Variants in CAMKK2 observed in about 807,000 individuals in gnomAD.
CAMKK2 encodes the protein calcium/calmodulin-dependent protein kinase kinase 2.
Under a neutral mutation model 67.2 loss-of-function variants are expected in CAMKK2, and 30 were observed. That is an observed-to-expected ratio of 0.45 (90% CI 0.33 to 0.61). CAMKK2 has a LOEUF of 0.61. CAMKK2 is among the 20% of genes least tolerant of loss of function. CAMKK2 has a pLI of 0.02. For missense variants in CAMKK2, 643 were observed against 802.0 expected, an observed-to-expected ratio of 0.80 and a Z score of 2.39; for synonymous variants, 322 against 326.2, an observed-to-expected ratio of 0.99 and a Z score of 0.14.
chr12:121,264,965 T>C (rs1327343228), intron 5 of CAMKK2, among the ~76,000 whole-genome samples: 7 of 103,500 alleles, frequency 6.8e-5, no homozygotes, highest in Non-Finnish European at 2.0e-5. Context: ...AGCGAGACCC[T>C]ATCAAAACAA....
rs1184060674 is a variant in CAMKK2 at position 121,253,364 on chromosome 12, C to T, written c.1016G>A (p.Gly339Asp). Residue 339 changes from glycine to aspartate, a missense_variant, in exon 10 of 17, where the codon GGC (glycine) becomes GAC (aspartate). By Grantham distance (94) the Gly-to-Asp change is moderately conservative. This residue lies in a region of CAMKK2 where 483 missense variants were observed against 625.8 expected (regional missense o/e 0.77). Transcript: ENST00000404169. This position sits in a 1 kb window ranked among gnomAD's most constrained non-coding sequence, Gnocchi z 5.0. ...GGTGTTGGAGAGGAGCGCGTCACTG[C>T]CCTTGAATTCATTGCTCACACCAAA... Reference protein sequence around the residue: ...ADFGVSNEFKGSDALLSNTVG... With the variant: ...ADFGVSNEFKDSDALLSNTVG... The T allele has an allele frequency of 1.2e-6, 2 of 1,614,054 alleles. No homozygotes were observed. Among genetic ancestry groups the T allele is most frequent in the African/African-American group, 2.7e-5 (2 of 74,920 alleles).
chr12:121,289,562 A>G (rs749732850), intron 1 of CAMKK2, among the ~76,000 whole-genome samples: 16 of 152,140 alleles, frequency 1.1e-4, no homozygotes, highest in Non-Finnish European at 1.8e-4. Context: ...GGGAAGGTGG[A>G]CTCCACTCCA....
In CAMKK2 at chr12:121,249,835, A is replaced by C. The variant is rs200555372; in HGVS notation, c.1275T>G (p.Arg425=). Reference sequence around the variant, plus strand: ...TCGACTCGGGGTTCTTGTCCAGCATACGGGTGATCAGGTCCTTCAAGTCCT... The same window carrying C: ...TCGACTCGGGGTTCTTGTCCAGCATCCGGGTGATCAGGTCCTTCAAGTCCT... The part of the protein sequence containing the change: ...IAEDLKDLIT[R]MLDKNPESRI... The change falls in exon 13 of 17, where the codon CGT becomes CGG. Residue 425 remains arginine (R), a synonymous_variant. Coordinates refer to ENST00000404169, the MANE Select transcript of CAMKK2 (RefSeq NM_001270485.2). 41 of 1,614,038 alleles carry C rather than the reference A, an allele frequency of 2.5e-5. No homozygotes were observed. Among genetic ancestry groups the C allele is most frequent in the Admixed American group, 3.3e-5 (2 of 60,000 alleles).
chr12:121,275,781 G>T (rs988242402), intron 1 of CAMKK2, among the ~76,000 whole-genome samples: 1 of 152,124 alleles, frequency 6.6e-6, no homozygotes, highest in African/African-American at 2.4e-5. Flanking sequence ...TAGAGGTAAT[G>T]GTTGCACAGC....
At chr12:121,260,484 G>A (rs773730025) in intron 6 of CAMKK2, 129 bp from the exon 7 acceptor site, 12 of 768,218 alleles carry the variant, frequency 1.6e-5, no homozygotes, top group South Asian at 1.4e-4. Flanking sequence ...ATTTGGCAGC[G>A]TGTTTCCCAG....
chr12:121,247,242 C>T (rs1259262285), intron 14 of CAMKK2, among the ~76,000 whole-genome samples: 2 of 152,130 alleles, frequency 1.3e-5, no homozygotes, highest in Non-Finnish European at 2.9e-5. Context: ...CCCTCTACTG[C>T]ACTGTACATA....
At chr12:121,260,184 G>A (rs1893152557) in intron 7 of CAMKK2, 135 bp downstream of exon 7, 1 of 713,164 alleles carries the variant, frequency 1.4e-6, no homozygotes, top group Non-Finnish European at 2.3e-6. Flanking sequence ...GGCCTCCGGT[G>A]GGGCCAGCTG....
At chr12:121,251,810 G>A in intron 11 of CAMKK2, among the ~76,000 whole-genome samples, 1 of 122,910 alleles carries the variant, frequency 8.1e-6, no homozygotes, top group African/African-American at 3.2e-5. Context: ...CTGGGTGACA[G>A]AGCAAGACTC....
At chr12:121,246,522 G>A (rs1889513154) in intron 14 of CAMKK2, among the ~76,000 whole-genome samples, 1 of 151,956 alleles carries the variant, frequency 6.6e-6, no homozygotes. Flanking sequence ...CTCCAGCCTG[G>A]GCAACGAGAG....
intron 7 of CAMKK2, among the ~76,000 whole-genome samples, chr12:121,259,895 C>A (rs961682584): frequency 6.6e-6 from 1 of 151,992 alleles, no homozygotes; most frequent in Admixed American, 6.6e-5. Context: ...CCAGGCTGGA[C>A]AACATAGTGA....
rs538865818 is a variant in CAMKK2 at position 121,287,921 on chromosome 12, A to G, written c.-60+8717T>C. Among the ~76,000 whole-genome samples, 413 of 152,304 alleles carry G rather than the reference A, an allele frequency of 2.7e-3. 2 individuals are homozygous for G. The highest frequency in any genetic ancestry group is 5.0e-3 in the Non-Finnish European group (341 of 68,032). ...CAGGAGGTTGGGGCTGTACTGAGCT[A>G]TGATTGCACCATTGCATTCCAGCCT... On this transcript the variant is annotated intron_variant, in intron 1 of 16. Coordinates refer to ENST00000404169, the MANE Select transcript of CAMKK2 (RefSeq NM_001270485.2).
chr12:121,288,890 G>A (rs1899351325), intron 1 of CAMKK2, among the ~76,000 whole-genome samples: 1 of 152,108 alleles, frequency 6.6e-6, no homozygotes, highest in South Asian at 2.1e-4. Flanking sequence ...GGATGGGGTG[G>A]GGTGGGGGTG....
rs1297898034 is a variant in CAMKK2 at position 121,267,306 on chromosome 12, GT to G, written c.625+1331del. 6.7e-5 allele frequency among the ~76,000 whole-genome samples: 10 copies of G among 150,342 alleles called. 1 individual carries two copies. In the South Asian group the frequency reaches 2.1e-3, roughly 32 times the overall value. On this transcript the variant is annotated intron_variant, in intron 5 of 16. Transcript: ENST00000404169. ...TTTGTATTTTTTTAGTAGATGCAGG[GT>G]TTCACCATATTGGCCAGAATGATCT...
chr12:121,295,727 A>T (rs1050637595), intron 1 of CAMKK2, among the ~76,000 whole-genome samples: 1 of 152,124 alleles, frequency 6.6e-6, no homozygotes, highest in Non-Finnish European at 1.5e-5. Context: ...TGCTGATAGC[A>T]CTGAGACGCC....
intron 6 of CAMKK2, 103 bp downstream of exon 6, chr12:121,263,703 G>T: frequency 9.5e-7 from 1 of 1,052,090 alleles, no homozygotes; most frequent in Non-Finnish European, 1.4e-6. Context: ...CCTGCAGTGA[G>T]CGGTCTGGTG....
At chr12:121,290,632 G>A (rs772124659) in intron 1 of CAMKK2, among the ~76,000 whole-genome samples, 1 of 152,160 alleles carries the variant, frequency 6.6e-6, no homozygotes, top group Non-Finnish European at 1.5e-5. Context: ...TGAGGCTACG[G>A]TGGGCCATGA....
At position 121,274,571 on chromosome 12, in the gene CAMKK2, C is replaced by A; in HGVS notation, c.-45G>T. On this transcript the variant is annotated 5_prime_UTR_variant, in exon 2 of 17. Transcript: ENST00000404169. ...TCCAGCACACTGGGGCACTCCCATCCGGCAGCGGAGCCACCTGCAGAAAGA... is the reference window on the plus strand; with the variant it reads ...TCCAGCACACTGGGGCACTCCCATCAGGCAGCGGAGCCACCTGCAGAAAGA... 7.1e-7 allele frequency: 1 copy of A among 1,405,884 alleles called. No individual in the cohort carries two copies. Among genetic ancestry groups the A allele is most frequent in the South Asian group, 1.3e-5 (1 of 78,500 alleles). 87.1% of individuals were successfully genotyped at this position (1,405,884 alleles called of 1,614,324 possible).
At chr12:121,287,766 C>T (rs185107881) in intron 1 of CAMKK2, among the ~76,000 whole-genome samples, 8 of 152,202 alleles carry the variant, frequency 5.3e-5, no homozygotes, top group East Asian at 1.9e-4. Flanking sequence ...GGCCAGGATT[C>T]GAGACCAGCT....
Position 121,253,553 on chromosome 12 carries a change from AC to A in CAMKK2, c.908-82del. 8.3e-7 allele frequency: 1 copy of A among 1,203,780 alleles called. No homozygotes were observed. The highest frequency in any genetic ancestry group is 1.2e-6 in the Non-Finnish European group (1 of 812,710). 74.6% of individuals were successfully genotyped at this position (1,203,780 alleles called of 1,614,324 possible). On this transcript the variant is annotated intron_variant, in intron 9 of 16. Transcript: ENST00000404169. The surrounding 1 kb of genome is among the most constrained non-coding windows in gnomAD (Gnocchi z 5.0). ...CTCTATGCGGCCACATGGCCTGGAG[AC>A]ACAGGCATGGCACCCCTCTGATGCC...
Sources: allele counts gnomAD v4.1 joint callset (sites outside exome capture counted in the v4.1 genomes callset), GRCh38; gene constraint gnomAD v4.1.1; regional missense constraint gnomAD v4.1.1; non-coding constraint Gnocchi (gnomAD v3.1); transcripts MANE v1.5; gene names NCBI Gene and HGNC (gene_info 2026-07-23, HGNC 2026-07-21).